CDH20: variants seen among roughly 807,000 people sequenced by gnomAD.
CDH20 encodes cadherin 20.
In CDH20, 29 loss-of-function variants were observed where a neutral mutation model predicts 74.2. The observed-to-expected ratio is 0.39, with a 90% CI of 0.29 to 0.53. CDH20 has a LOEUF of 0.53. Ranked by LOEUF, CDH20 falls within the 20% of genes least tolerant of loss-of-function variation. CDH20 has a pLI of 0.69. For synonymous variants in CDH20, 469 were observed against 405.4 expected, an observed-to-expected ratio of 1.16 and a Z score of -1.88; for missense variants, 988 against 1,048.3, an observed-to-expected ratio of 0.94 and a Z score of 0.79.
intron 1 of CDH20, among the ~76,000 whole-genome samples, chr18:61,375,623 C>T (rs1013250400): frequency 6.6e-6 from 1 of 152,076 alleles, no homozygotes; most frequent in South Asian, 2.1e-4. Flanking sequence ...CCTTATCTTC[C>T]CCTTCCATCC....
At chr18:61,373,260 C>T (rs1911104494) in intron 1 of CDH20, among the ~76,000 whole-genome samples, 1 of 151,160 alleles carries the variant, frequency 6.6e-6, no homozygotes, top group South Asian at 2.1e-4. Flanking sequence ...CTCAATGTAT[C>T]TAACTTTTCT....
chr18:61,372,871 CA>C (rs1207044074), intron 1 of CDH20, among the ~76,000 whole-genome samples: 1 of 152,074 alleles, frequency 6.6e-6, no homozygotes, highest in African/African-American at 2.4e-5. Context: ...AAACTTCCCC[CA>C]GTATATCATC....
chr18:61,405,649 A>C (rs1460402341), intron 1 of CDH20, among the ~76,000 whole-genome samples: 2 of 152,182 alleles, frequency 1.3e-5, no homozygotes, highest in Non-Finnish European at 2.9e-5. Flanking sequence ...AGGTTCTTCT[A>C]GTCAATCAGT....
chr18:61,461,441 C>G (rs1255822017), intron 1 of CDH20, among the ~76,000 whole-genome samples: 3 of 151,934 alleles, frequency 2.0e-5, no homozygotes, highest in African/African-American at 4.8e-5. Context: ...AGGGGAGGAG[C>G]TGCCTTGGCT....
intron 1 of CDH20, among the ~76,000 whole-genome samples, chr18:61,475,959 G>A (rs1430375351): frequency 6.6e-6 from 1 of 152,072 alleles, no homozygotes; most frequent in African/African-American, 2.4e-5. Flanking sequence ...TCATCCTTGA[G>A]GGGGATTGGC....
At chr18:61,355,261 T>A (rs1910461612) in intron 1 of CDH20, among the ~76,000 whole-genome samples, 1 of 152,250 alleles carries the variant, frequency 6.6e-6, no homozygotes. Context: ...AATGTAGCTT[T>A]TTTTTCTTTT....
At chr18:61,344,158 A>G (rs1264906095) in intron 1 of CDH20, among the ~76,000 whole-genome samples, 2 of 152,222 alleles carry the variant, frequency 1.3e-5, no homozygotes, top group African/African-American at 4.8e-5. Context: ...AGTCACTCAG[A>G]GGGGTAAATT....
chr18:61,479,416 G>A (rs535469577), intron 1 of CDH20, among the ~76,000 whole-genome samples: 19 of 152,206 alleles, frequency 1.2e-4, no homozygotes, highest in Middle Eastern at 3.4e-3. Context: ...TTCCAGTGGG[G>A]TAATTGAGCT....
chr18:61,470,551 C>A (rs1169965115), intron 1 of CDH20, among the ~76,000 whole-genome samples: 2 of 151,924 alleles, frequency 1.3e-5, no homozygotes, highest in East Asian at 3.9e-4. Context: ...GACATATTGG[C>A]TGAGATGCCT....
intron 7 of CDH20, 144 bp from the exon 8 acceptor site, chr18:61,536,349 A>G: frequency 6.4e-6 from 4 of 621,324 alleles, no homozygotes; most frequent in East Asian, 5.2e-5. Context: ...TGAACAAATA[A>G]AACCACGAAT....
intron 1 of CDH20, among the ~76,000 whole-genome samples, chr18:61,483,099 T>C (rs1910643442): frequency 6.6e-6 from 1 of 152,212 alleles, no homozygotes; most frequent in Non-Finnish European, 1.5e-5. Flanking sequence ...TAAGCCTTTC[T>C]CCTCCTGATG....
At position 61,550,067 on chromosome 18, in the gene CDH20, G is replaced by C; in HGVS notation, c.1738G>C (p.Gly580Arg). ...FHLPILIADS[G>R]QPVLSSTGTL... ...CCTGCCTATCCTGATAGCAGATAGC[G>C]GGCAGCCCGTGCTGAGCAGCACAGG... The change falls in exon 11 of 12, where the codon GGG becomes CGG. Residue 580 changes from glycine to arginine, a missense_variant. Physicochemically the swap from Gly to Arg is moderately radical, Grantham distance 125 (BLOSUM62 -2). Around this residue, in one of 2 missense-constraint regions of CDH20, gnomAD observed 613 missense variants for 755.2 expected, o/e 0.81. Coordinates refer to ENST00000262717, the MANE Select transcript of CDH20 (RefSeq NM_031891.4). 6.2e-7 allele frequency: 1 copy of C among 1,614,176 alleles called. No homozygotes were observed. The highest frequency in any genetic ancestry group is 1.1e-5 in the South Asian group (1 of 91,082).
rs754668719 is a variant in CDH20, at chr18:61,554,449, C to T, written c.2160C>T (p.Ser720=). The T allele has an allele frequency of 6.2e-7, 1 of 1,613,368 alleles. No homozygotes were observed. The highest frequency in any genetic ancestry group is 1.1e-5 in the South Asian group (1 of 91,076). Residue 720 remains serine (S), a synonymous_variant, in exon 12 of 12, where the codon AGC becomes AGT. Transcript: ENST00000262717. ...TGCCTCAGACGTGCGCAGTGAACAG[C>T]ACTGTCCACAGCTACGTGCTGGCCA... ...RYVPQTCAVN[S]TVHSYVLAKL... is the part of the protein sequence containing the mutation.
At chr18:61,363,190 T>A (rs563305640) in intron 1 of CDH20, among the ~76,000 whole-genome samples, 1 of 152,170 alleles carries the variant, frequency 6.6e-6, no homozygotes, top group East Asian at 1.9e-4. Flanking sequence ...CTAGCTTGGA[T>A]GATAAAAAAT....
chr18:61,554,471 G>T lies in CDH20; in HGVS notation c.2182G>T (p.Ala728Ser). 1 of 1,613,092 alleles carries T rather than the reference G, an allele frequency of 6.2e-7. No homozygotes were observed. The highest frequency in any genetic ancestry group is 1.1e-5 in the South Asian group (1 of 91,010). ...CAGCACTGTCCACAGCTACGTGCTG[G>T]CCAAGCTCTACGAGGCCGACATGGA... ...VNSTVHSYVL[A>S]KLYEADMDLW... The change falls in exon 12 of 12, where the codon GCC (alanine) becomes TCC (serine). Residue 728 changes from alanine (A) to serine (S), a missense_variant. This residue lies in a region of CDH20 where 375 missense variants were observed against 293.1 expected (regional missense o/e 1.28). Transcript: ENST00000262717.
At chr18:61,382,711 A>T (rs1208694350) in intron 1 of CDH20, among the ~76,000 whole-genome samples, 2 of 152,234 alleles carry the variant, frequency 1.3e-5, no homozygotes, top group African/African-American at 4.8e-5. Flanking sequence ...TTCCAGCCCA[A>T]ATCCTGTGAA....
intron 1 of CDH20, among the ~76,000 whole-genome samples, chr18:61,392,574 T>C (rs1484032822): frequency 6.6e-6 from 1 of 152,120 alleles, no homozygotes; most frequent in East Asian, 1.9e-4. Context: ...TGACTATCCA[T>C]CTCCCTCTCC....
At chr18:61,438,924 A>T (rs1283414405) in intron 1 of CDH20, among the ~76,000 whole-genome samples, 1 of 152,178 alleles carries the variant, frequency 6.6e-6, no homozygotes, top group African/African-American at 2.4e-5. Flanking sequence ...ACCCAGCCAT[A>T]AATATGAATG....
intron 1 of CDH20, among the ~76,000 whole-genome samples, chr18:61,395,832 C>T (rs62098084): frequency 0.078 from 11,879 of 152,150 alleles, 628 homozygotes; most frequent in Non-Finnish European, 0.12. Flanking sequence ...CAGGAGATCG[C>T]GACCATCCTG....
Sources: gnomAD v4.1 joint callset for allele counts (sites outside exome capture counted in the v4.1 genomes callset) on GRCh38, gnomAD v4.1.1 for gene constraint, gnomAD v4.1.1 regional missense constraint, MANE v1.5 for transcripts, NCBI Gene and HGNC (gene_info 2026-07-23, HGNC 2026-07-21) for gene names.